PAX1: variants seen among roughly 807,000 people sequenced by gnomAD.
PAX1 encodes paired box 1.
PAX1 carries 18 observed loss-of-function variants against 35.6 expected under a neutral mutation model. The observed-to-expected ratio is 0.50, with a 90% confidence interval of 0.35 to 0.75. PAX1 has a LOEUF of 0.75. Among genes scored for constraint, PAX1 ranks in the 30% least tolerant of loss-of-function variants. The pLI, the probability that PAX1 is intolerant of heterozygous loss-of-function variation, is 0.01. For synonymous variants in PAX1, 397 were observed against 305.2 expected (o/e 1.30, Z -3.14); for missense variants, 760 against 661.5 (o/e 1.15, Z -1.63).
At position 21,717,169 on chromosome 20, in the gene PAX1, G is replaced by A. The variant is rs1409569699; in HGVS notation, c.*2607G>A. On this transcript the variant is annotated 3_prime_UTR_variant, in exon 5 of 5. Coordinates refer to ENST00000613128, the MANE Select transcript of PAX1 (RefSeq NM_001257096.2). ...CTGGAGGCGGGTCTTTGAGTTCCCT[G>A]GCTCTGGGGCGAGCATTCACTGAGG... The A allele has an allele frequency of 6.6e-6, 1 of 152,172 alleles. No homozygotes were observed. Among genetic ancestry groups the A allele is most frequent in the Admixed American group, 6.5e-5 (1 of 15,274 alleles). The allele number at this position is 152,172 out of a possible 1,614,324, so 9.4% of individuals were successfully genotyped here.
Position 21,709,347 on chromosome 20 carries a change from T to A in PAX1, c.1185T>A (p.Pro395=). The A allele has an allele frequency of 6.3e-7, 1 of 1,597,980 alleles. No homozygotes were observed. Among genetic ancestry groups the A allele is most frequent in the Non-Finnish European group, 8.5e-7 (1 of 1,176,388 alleles). ...TCGCCCCGGGCCCGCCGTGGCCGCCTGCGCAAGGTCCTCCTCTGGCGCCCC... is the reference window on the plus strand; with the variant it reads ...TCGCCCCGGGCCCGCCGTGGCCGCCAGCGCAAGGTCCTCCTCTGGCGCCCC... ...GYLAPGPPWP[P]AQGPPLAPPG... Residue 395 remains proline, a synonymous_variant, in exon 4 of 5, where the codon CCT becomes CCA. Transcript: ENST00000613128.
In PAX1 at chr20:21,706,224, A is replaced by G; in HGVS notation, c.287-214A>G. 3.8e-6 allele frequency: 3 copies of G among 782,090 alleles called. No homozygotes were observed. Among genetic ancestry groups the G allele is most frequent in the South Asian group, 1.4e-5 (1 of 69,364 alleles). The allele number at this position is 782,090 out of a possible 1,614,324, so 48.4% of individuals were successfully genotyped here. ...TCGCGAAAGGGCACGGAGGGCTACA[A>G]TGCGCCGCGCTCCACTCCGCGGCTC... is the stretch of plus-strand genomic sequence containing the variant. On this transcript the variant is annotated intron_variant, in intron 1 of 4. Coordinates refer to ENST00000613128, the MANE Select transcript of PAX1 (RefSeq NM_001257096.2). This position sits in a 1 kb window ranked among gnomAD's most constrained non-coding sequence, Gnocchi z 5.3.
rs17861057 is a variant in PAX1 at position 21,714,478 on chromosome 20, C to T, written c.1290C>T (p.Asp430=). 9 of 1,578,516 alleles carry T rather than the reference C, an allele frequency of 5.7e-6. No individual in the cohort carries two copies. In the East Asian group the frequency reaches 1.9e-4, roughly 33 times the overall value. ...TFKHPSREVA[D]RKPPSSGSKA... ...CTGTGCTTCCTCCCGCAGTGGCTGA[C>T]AGGAAGCCTCCCAGCTCCGGCAGCA... The change falls in exon 5 of 5, where the codon GAC becomes GAT. Residue 430 remains aspartate, a synonymous_variant. Transcript: ENST00000613128.
Position 21,709,842 on chromosome 20 carries a change from A to C in PAX1, c.1282+398A>C, listed in dbSNP as rs1408279016. Among the ~76,000 whole-genome samples the C allele has an allele frequency of 3.9e-5, 6 of 152,074 alleles. 1 individual carries two copies. In the East Asian group the frequency reaches 7.8e-4, roughly 20 times the overall value. ...GCACCCTCCAGGCTCACCTTTCTGT[A>C]GACCTGTTCTGGCACCTAAGCCCTT... On this transcript the variant is annotated intron_variant, in intron 4 of 4. Coordinates refer to ENST00000613128, the MANE Select transcript of PAX1 (RefSeq NM_001257096.2).
chr20:21,709,323 C>T lies in PAX1; in HGVS notation c.1161C>T (p.Leu387=). The change falls in exon 4 of 5, where the codon CTC becomes CTT. Residue 387 remains leucine, a synonymous_variant. Coordinates refer to ENST00000613128, the MANE Select transcript of PAX1 (RefSeq NM_001257096.2). ...ACAGCGCCCCGGGCGGCGGCTACCT[C>T]GCCCCGGGCCCGCCGTGGCCGCCTG... ...GVYSAPGGGY[L]APGPPWPPAQ... is the part of the protein sequence containing the mutation. 1 of 1,598,782 alleles carries T rather than the reference C, an allele frequency of 6.3e-7. No individual in the cohort carries two copies. The highest frequency in any genetic ancestry group is 8.5e-7 in the Non-Finnish European group (1 of 1,177,568).
At chr20:21,713,801 A>C (rs1378772049) in intron 4 of PAX1, among the ~76,000 whole-genome samples, 1 of 152,260 alleles carries the variant, frequency 6.6e-6, no homozygotes, top group African/African-American at 2.4e-5. Flanking sequence ...GGAGGCCCAC[A>C]GGTCCCAGGA....
Position 21,708,551 on chromosome 20 carries a change from C to G in PAX1, c.917-7C>G, listed in dbSNP as rs1985089648. On this transcript the variant is annotated splice_region_variant and splice_polypyrimidine_tract_variant and intron_variant, in intron 2 of 4. Transcript: ENST00000613128. Reference sequence around the variant, plus strand: ...GCACCTTTTAATCCGTCCTCTCTCTCCTGCAGGGGCCCTGGCTGGGAGCGA... The same window carrying G: ...GCACCTTTTAATCCGTCCTCTCTCTGCTGCAGGGGCCCTGGCTGGGAGCGA... The G allele has an allele frequency of 1.9e-6, 3 of 1,613,484 alleles. No individual in the cohort carries two copies. The East Asian group carries it at 6.7e-5, about 36-fold the overall frequency.
chr20:21,706,774 A>C lies in PAX1; in HGVS notation c.623A>C (p.Lys208Thr), dbSNP rs758771085. 6.2e-7 allele frequency: 1 copy of C among 1,613,470 alleles called. No individual in the cohort carries two copies. Among genetic ancestry groups the C allele is most frequent in the Non-Finnish European group, 8.5e-7 (1 of 1,180,024 alleles). Residue 208 changes from lysine to threonine, a missense_variant, in exon 2 of 5, where the codon AAG (lysine) becomes ACG (threonine). Around this residue, in one of 3 missense-constraint regions of PAX1, gnomAD observed 490 missense variants for 428.4 expected, o/e 1.14. Coordinates refer to ENST00000613128, the MANE Select transcript of PAX1 (RefSeq NM_001257096.2). The surrounding 1 kb of genome is among the most constrained non-coding windows in gnomAD (Gnocchi z 5.3). The part of the protein sequence containing the change: ...DRLLADGVCD[K>T]YNVPSVSSIS... The stretch of plus-strand genomic sequence containing the variant: ...CTGCTGGCCGACGGCGTCTGTGACA[A>C]GTACAATGTGCCTTCGGTGAGCTCC...
Position 21,714,706 on chromosome 20 carries a change from G to C in PAX1, c.*144G>C. On this transcript the variant is annotated 3_prime_UTR_variant, in exon 5 of 5. Coordinates refer to ENST00000613128, the MANE Select transcript of PAX1 (RefSeq NM_001257096.2). ...GCCAGTGCCGGCCCGCGGGGTGCAC[G>C]CCCAGCCAGCCCCCAGGCCCAGCCC... 2 of 1,605,610 alleles carry C rather than the reference G, an allele frequency of 1.2e-6. No homozygotes were observed. Among genetic ancestry groups the C allele is most frequent in the Non-Finnish European group, 1.7e-6 (2 of 1,179,638 alleles).
rs1985353529 is a variant in PAX1 at position 21,715,860 on chromosome 20, CGAGCTGGT to C, written c.*1300_*1307del. On this transcript the variant is annotated 3_prime_UTR_variant, in exon 5 of 5. Coordinates refer to ENST00000613128, the MANE Select transcript of PAX1 (RefSeq NM_001257096.2). Reference sequence around the variant, plus strand: ...AGCTGTGAGCTGCTTCCAAGTTAGGCGAGCTGGTGGTGGTACCCTGGACATAATGCAAT... The same window carrying C: ...AGCTGTGAGCTGCTTCCAAGTTAGGCGGTGGTACCCTGGACATAATGCAAT... The C allele has an allele frequency of 6.6e-6, 1 of 152,346 alleles. No individual in the cohort carries two copies. Among genetic ancestry groups the C allele is most frequent in the Non-Finnish European group, 1.5e-5 (1 of 68,168 alleles). The allele number at this position is 152,346 out of a possible 1,614,324, so 9.4% of individuals were successfully genotyped here. A position where few individuals can be genotyped will look rare whatever the true frequency, so the allele number is the denominator to read the frequency against.
At chr20:21,710,109 T>C (rs1985155092) in intron 4 of PAX1, among the ~76,000 whole-genome samples, 1 of 151,838 alleles carries the variant, frequency 6.6e-6, no homozygotes, top group Non-Finnish European at 1.5e-5. Context: ...GGGGGTTCTC[T>C]CTTTCTGTGG....
At position 21,708,779 on chromosome 20, in the gene PAX1, AG is replaced by A. The variant is rs11477815; in HGVS notation, c.1059+80del. The A allele has an allele frequency of 7.5e-3, 11,122 of 1,490,104 alleles. 82 individuals are homozygous for A. Among genetic ancestry groups the A allele is most frequent in the Non-Finnish European group, 8.2e-3 (8,841 of 1,073,700 alleles). 92.3% of individuals were successfully genotyped at this position (1,490,104 alleles called of 1,614,324 possible). A position where few individuals can be genotyped will look rare whatever the true frequency, so the allele number is the denominator to read the frequency against. ...GGCAAGTGGGGAAAAAGAGAGAGAA[AG>A]AAAAGAAAAAATTTCCAGGCAGAGA... On this transcript the variant is annotated intron_variant, in intron 3 of 4. Transcript: ENST00000613128.
chr20:21,714,881 C>A lies in PAX1; in HGVS notation c.*319C>A. 8.6e-7 allele frequency: 1 copy of A among 1,157,766 alleles called. No homozygotes were observed. The highest frequency in any genetic ancestry group is 1.3e-6 in the Non-Finnish European group (1 of 788,230). The allele number at this position is 1,157,766 out of a possible 1,614,324, so 71.7% of individuals were successfully genotyped here. A position where few individuals can be genotyped will look rare whatever the true frequency, so the allele number is the denominator to read the frequency against. On this transcript the variant is annotated 3_prime_UTR_variant, in exon 5 of 5. Coordinates refer to ENST00000613128, the MANE Select transcript of PAX1 (RefSeq NM_001257096.2). ...CCAGCTTCAAATTTCTTTTTTGTCACTCCCTTGTCCGTCTCCGTCTCGCCT... is the reference window on the plus strand; with the variant it reads ...CCAGCTTCAAATTTCTTTTTTGTCAATCCCTTGTCCGTCTCCGTCTCGCCT...
intron 4 of PAX1, among the ~76,000 whole-genome samples, chr20:21,712,543 G>A (rs949390750): frequency 5.9e-5 from 9 of 152,172 alleles, no homozygotes; most frequent in African/African-American, 2.2e-4. Context: ...GTATTTACAG[G>A]ATGTTTTCAG....
At position 21,708,250 on chromosome 20, in the gene PAX1, C is replaced by T. The variant is rs1985078358; in HGVS notation, c.917-308C>T. The T allele has an allele frequency of 2.7e-5, 14 of 528,048 alleles. No homozygotes were observed. In the South Asian group the frequency reaches 2.7e-4, roughly 10 times the overall value. 32.7% of individuals were successfully genotyped at this position (528,048 alleles called of 1,614,324 possible). A position where few individuals can be genotyped will look rare whatever the true frequency, so the allele number is the denominator to read the frequency against. On this transcript the variant is annotated intron_variant, in intron 2 of 4. Transcript: ENST00000613128. Reference sequence around the variant, plus strand: ...CTTTGAACTCGGAAGTTTCTGGGAGCCGTGTCTGGACAATGGAGCGGCCGC... The same window carrying T: ...CTTTGAACTCGGAAGTTTCTGGGAGTCGTGTCTGGACAATGGAGCGGCCGC...
In PAX1 at chr20:21,706,368, T is replaced by C; in HGVS notation, c.287-70T>C. ...CCTGGGTGCAGTCCCTCGCTCCGCGTGGGGACCCTTGGCTAACCCGCCGGG... is the reference window on the plus strand; with the variant it reads ...CCTGGGTGCAGTCCCTCGCTCCGCGCGGGGACCCTTGGCTAACCCGCCGGG... On this transcript the variant is annotated intron_variant, in intron 1 of 4. Coordinates refer to ENST00000613128, the MANE Select transcript of PAX1 (RefSeq NM_001257096.2). This position sits in a 1 kb window ranked among gnomAD's most constrained non-coding sequence, Gnocchi z 5.3. 1 of 1,581,252 alleles carries C rather than the reference T, an allele frequency of 6.3e-7. No individual in the cohort carries two copies. The highest frequency in any genetic ancestry group is 8.6e-7 in the Non-Finnish European group (1 of 1,159,902).
Position 21,706,850 on chromosome 20 carries a change from G to C in PAX1, c.699G>C (p.Pro233=), listed in dbSNP as rs897430369. 2 of 1,613,368 alleles carry C rather than the reference G, an allele frequency of 1.2e-6. No individual in the cohort carries two copies. The highest frequency in any genetic ancestry group is 1.7e-6 in the Non-Finnish European group (2 of 1,180,014). ...TCGGCAGCCTGGCGCAGCCCGGACCGTACGAGGCAAGTAAGCAGCCGCCGT... is the reference window on the plus strand; with the variant it reads ...TCGGCAGCCTGGCGCAGCCCGGACCCTACGAGGCAAGTAAGCAGCCGCCGT... ...NKIGSLAQPG[P]YEASKQPPSQ... The change falls in exon 2 of 5, where the codon CCG becomes CCC. Residue 233 remains proline (P), a synonymous_variant. Transcript: ENST00000613128. The surrounding 1 kb of genome is among the most constrained non-coding windows in gnomAD (Gnocchi z 5.3).
intron 4 of PAX1, 55 bp from the exon 5 acceptor site, chr20:21,714,416 C>G: frequency 7.4e-7 from 1 of 1,355,776 alleles, no homozygotes; most frequent in Non-Finnish European, 1.0e-6. Context: ...CCCAGTGCCT[C>G]TCGCACTGCG....
In PAX1 at chr20:21,715,778, C is replaced by CA; in HGVS notation, c.*1219dup. On this transcript the variant is annotated 3_prime_UTR_variant, in exon 5 of 5. Transcript: ENST00000613128. The stretch of plus-strand genomic sequence containing the variant: ...GAGGGTTAAAAAAAACAAAACAAAA[C>CA]AAACAACAACAACAACAAAAACAAC... 2 of 151,778 alleles carry CA rather than the reference C, an allele frequency of 1.3e-5. No individual in the cohort carries two copies. Among genetic ancestry groups the CA allele is most frequent in the Non-Finnish European group, 1.5e-5 (1 of 68,498 alleles). 9.4% of individuals were successfully genotyped at this position (151,778 alleles called of 1,614,324 possible). A position where few individuals can be genotyped will look rare whatever the true frequency, so the allele number is the denominator to read the frequency against.
Sources: allele counts gnomAD v4.1 joint callset (sites outside exome capture counted in the v4.1 genomes callset), GRCh38; gene constraint gnomAD v4.1.1; regional missense constraint gnomAD v4.1.1; non-coding constraint Gnocchi (gnomAD v3.1); transcripts MANE v1.5; gene names NCBI Gene and HGNC (gene_info 2026-07-23, HGNC 2026-07-21).